The following RHPN1 variants were observed in gnomAD, a reference collection of about 807,000 sequenced individuals.
RHPN1 encodes rhophilin Rho GTPase binding protein 1.
A neutral mutation model predicts 74.7 loss-of-function variants in RHPN1; 77 were observed. The observed-to-expected ratio is 1.03, with a 90% CI of 0.86 to 1.25. The LOEUF (loss-of-function observed/expected upper bound fraction) is 1.25. Ranked by LOEUF, RHPN1 falls within the 50% of genes most tolerant of loss-of-function variation. The probability of loss-of-function intolerance (pLI) is 0.00; values close to 1 mark genes in which losing one functional copy is unlikely to be tolerated. For synonymous variants in RHPN1, 444 were observed against 414.5 expected, an observed-to-expected ratio of 1.07 and a Z score of -0.87; for missense variants, 987 against 932.2, an observed-to-expected ratio of 1.06 and a Z score of -0.77.
intron 3 of RHPN1, among the ~76,000 whole-genome samples, 156 bp downstream of exon 3, chr8:143,376,809 CGT>C (rs536120790): frequency 7.4e-4 from 103 of 139,320 alleles, no homozygotes; most frequent in African/African-American, 1.5e-3. Flanking sequence ...TGTCTGTGCG[CGT>C]GTGTCTGTGT....
chr8:143,382,068 T>A, intron 14 of RHPN1, 100 bp downstream of exon 14: 1 of 1,241,150 alleles, frequency 8.1e-7, no homozygotes, highest in Non-Finnish European at 1.1e-6. Flanking sequence ...GAAGGGGAGG[T>A]GGGGCTGCAG....
chr8:143,381,421 G>A (rs1818720905), intron 12 of RHPN1, 77 bp downstream of exon 12: 9 of 1,475,080 alleles, frequency 6.1e-6, no homozygotes, highest in South Asian at 5.0e-5. Context: ...CATGGCCTCA[G>A]ACAGGCCATT....
At chr8:143,374,805 C>A (rs1052494232) in intron 1 of RHPN1, among the ~76,000 whole-genome samples, 1 of 152,334 alleles carries the variant, frequency 6.6e-6, no homozygotes, top group East Asian at 1.9e-4. Flanking sequence ...AGCTCCAGCA[C>A]GCTGGCACCA....
At position 143,383,444 on chromosome 8, in the gene RHPN1, G is replaced by T. The variant is rs3814769; in HGVS notation, c.*793G>T. 1 of 152,160 alleles carries T rather than the reference G, an allele frequency of 6.6e-6. No individual in the cohort carries two copies. Among genetic ancestry groups the T allele is most frequent in the African/African-American group, 2.4e-5 (1 of 41,370 alleles). The allele number at this position is 152,160 out of a possible 1,614,324, so 9.4% of individuals were successfully genotyped here. A position where few individuals can be genotyped will look rare whatever the true frequency, so the allele number is the denominator to read the frequency against. ...CAGCCCTCCCCAGCCTGCTTGGGCC[G>T]CTCCTGCTGGCCTCCACAGGCCGTG... On this transcript the variant is annotated 3_prime_UTR_variant, in exon 15 of 15. Transcript: ENST00000289013.
chr8:143,375,747 T>A (rs1391806863), intron 2 of RHPN1, 79 bp downstream of exon 2: 5 of 1,080,530 alleles, frequency 4.6e-6, no homozygotes, highest in South Asian at 4.4e-5. Flanking sequence ...CAGGCAGATG[T>A]CTGCCCCATG....
chr8:143,379,660 A>G (rs1443865147), intron 8 of RHPN1, 152 bp downstream of exon 8: 2 of 985,220 alleles, frequency 2.0e-6, no homozygotes, highest in Non-Finnish European at 2.4e-6. Context: ...CTGGTCAGGA[A>G]CCTGGGGACC....
chr8:143,380,923 T>A, intron 11 of RHPN1, 140 bp downstream of exon 11: 4 of 785,162 alleles, frequency 5.1e-6, no homozygotes, highest in Non-Finnish European at 5.9e-6. Flanking sequence ...CAGGCCACGA[T>A]CACAGGGACC....
At position 143,380,798 on chromosome 8, in the gene RHPN1, C is replaced by T; in HGVS notation, c.1411+15C>T. 6.5e-7 allele frequency: 1 copy of T among 1,532,314 alleles called. No homozygotes were observed. The highest frequency in any genetic ancestry group is 8.8e-7 in the Non-Finnish European group (1 of 1,133,330). The allele number at this position is 1,532,314 out of a possible 1,614,324, so 94.9% of individuals were successfully genotyped here. A position where few individuals can be genotyped will look rare whatever the true frequency, so the allele number is the denominator to read the frequency against. On this transcript the variant is annotated intron_variant, in intron 11 of 14. Coordinates refer to ENST00000289013, the MANE Select transcript of RHPN1 (RefSeq NM_052924.3). ...GGACATCCAGCGTGAGCAGCCAGGG[C>T]CTGTCTGGGTGGCTGCATCCCTGGC...
chr8:143,365,242 G>A (rs118078340), upstream of RHPN1, among the ~76,000 whole-genome samples: 2,358 of 152,204 alleles, frequency 0.015, 30 homozygotes, highest in Non-Finnish European at 0.025. Context: ...AAGTACCAGC[G>A]ATCAGCATCA....
rs1287210364 is a variant in RHPN1, at chr8:143,381,301, C to A, written c.1445C>A (p.Pro482Gln). ...KTHQKPEARM[P>Q]RLSQGKGPDI... ...CACCAGAAGCCAGAGGCCAGGATGCCACGCCTGTCCCAGGGGAAGGGGCCT... is the reference window on the plus strand; with the variant it reads ...CACCAGAAGCCAGAGGCCAGGATGCAACGCCTGTCCCAGGGGAAGGGGCCT... The change falls in exon 12 of 15, where the codon CCA (proline) becomes CAA (glutamine). Residue 482 changes from proline to glutamine, a missense_variant. By Grantham distance (76) the Pro-to-Gln change is moderately conservative (BLOSUM62 -1). Coordinates refer to ENST00000289013, the MANE Select transcript of RHPN1 (RefSeq NM_052924.3). 6.2e-7 allele frequency: 1 copy of A among 1,612,932 alleles called. No individual in the cohort carries two copies. Among genetic ancestry groups the A allele is most frequent in the Admixed American group, 1.7e-5 (1 of 59,928 alleles).
chr8:143,379,647 G>C, intron 8 of RHPN1, 139 bp downstream of exon 8: 1 of 1,444,354 alleles, frequency 6.9e-7, no homozygotes, highest in Non-Finnish European at 9.1e-7. Context: ...CTCCCTGGGG[G>C]GGCTGGTCAG....
chr8:143,378,352 T>A lies in RHPN1; in HGVS notation c.459+6T>A. On this transcript the variant is annotated splice_donor_region_variant and intron_variant, in intron 5 of 14. Coordinates refer to ENST00000289013, the MANE Select transcript of RHPN1 (RefSeq NM_052924.3). ...AGCTGGAGGCCCTGCGGCAGGTGTG[T>A]GGTTCCCCCGCCCACCCACCCTCCT... The A allele has an allele frequency of 1.9e-6, 3 of 1,541,192 alleles. No individual in the cohort carries two copies. The highest frequency in any genetic ancestry group is 2.6e-6 in the Non-Finnish European group (3 of 1,143,104).
upstream of RHPN1, among the ~76,000 whole-genome samples, chr8:143,365,436 G>A (rs1025737480): frequency 6.6e-6 from 1 of 152,212 alleles, no homozygotes; most frequent in Non-Finnish European, 1.5e-5. Context: ...CTCTGGTTCA[G>A]TGGTGGCGTT....
upstream of RHPN1, among the ~76,000 whole-genome samples, chr8:143,364,727 G>A (rs879532076): frequency 6.6e-6 from 1 of 152,174 alleles, no homozygotes; most frequent in Non-Finnish European, 1.5e-5. The surrounding 1 kb of genome is among the most constrained non-coding windows in gnomAD (Gnocchi z 4.5). Flanking sequence ...GAAGCCAGGT[G>A]CATCTTTTAC....
intron 2 of RHPN1, among the ~76,000 whole-genome samples, chr8:143,375,955 A>G (rs1475524012): frequency 6.6e-6 from 1 of 152,226 alleles, no homozygotes; most frequent in Non-Finnish European, 1.5e-5. Context: ...CAGAAGAGGC[A>G]TGGTTGAGGC....
At chr8:143,380,343 AG>A in intron 10 of RHPN1, 168 bp downstream of exon 10, 1 of 674,334 alleles carries the variant, frequency 1.5e-6, no homozygotes, top group Non-Finnish European at 2.5e-6. Context: ...GGCCCAGCGC[AG>A]GGGCCCCAGG....
chr8:143,378,622 A>T, intron 5 of RHPN1, 74 bp from the exon 6 acceptor site: 1 of 1,525,512 alleles, frequency 6.6e-7, no homozygotes, highest in Non-Finnish European at 8.8e-7. Flanking sequence ...GCTGGTGCCC[A>T]TGGGACTTCC....
Position 143,378,993 on chromosome 8 carries a change from C to G in RHPN1, c.666C>G (p.Ala222=), listed in dbSNP as rs1349690829. ...GCAGCGTTCTCTTCAACATCGGTGC[C>G]CTCCACACGCAGATTGGGGCGCGCC... ...EKGSVLFNIG[A]LHTQIGARQD... The change falls in exon 7 of 15, where the codon GCC becomes GCG. Residue 222 remains alanine (A), a synonymous_variant. Coordinates refer to ENST00000289013, the MANE Select transcript of RHPN1 (RefSeq NM_052924.3). The G allele has an allele frequency of 6.4e-7, 1 of 1,554,142 alleles. No individual in the cohort carries two copies. The highest frequency in any genetic ancestry group is 1.9e-5 in the Admixed American group (1 of 51,584).
At chr8:143,380,204 G>A (rs1274857483) in intron 10 of RHPN1, 29 bp downstream of exon 10, 1 of 1,430,082 alleles carries the variant, frequency 7.0e-7, no homozygotes, top group Non-Finnish European at 9.4e-7. Context: ...GAGTGCCCTG[G>A]GGCTCAGATG....
Sources: allele counts gnomAD v4.1 joint callset (sites outside exome capture counted in the v4.1 genomes callset), GRCh38; gene constraint gnomAD v4.1.1; non-coding constraint Gnocchi (gnomAD v3.1); transcripts MANE v1.5; gene names NCBI Gene and HGNC (gene_info 2026-07-23, HGNC 2026-07-21).